Variants in CAPN13 observed in about 807,000 individuals in gnomAD.
CAPN13 encodes calpain-13.
A neutral mutation model predicts 98.4 loss-of-function variants in CAPN13; 90 were observed. That is an observed-to-expected ratio of 0.92 (90% CI 0.77 to 1.09). The LOEUF (loss-of-function observed/expected upper bound fraction) is 1.09, where lower values mean the gene tolerates loss of function less well. Ranked by LOEUF, CAPN13 falls within the 50% of genes least tolerant of loss-of-function variation. The pLI is 0.00. For missense variants in CAPN13, 887 were observed against 841.3 expected (o/e 1.05, Z -0.67); for synonymous variants, 330 against 305.5 (o/e 1.08, Z -0.84).
intron 4 of CAPN13, among the ~76,000 whole-genome samples, chr2:30,771,794 A>AT (rs1673426528): frequency 6.6e-6 from 1 of 152,256 alleles, no homozygotes. Flanking sequence ...GTTGAACAAG[A>AT]TAACTCTCTG....
chr2:30,735,714 G>A (rs746516952), intron 18 of CAPN13, among the ~76,000 whole-genome samples: 3 of 152,170 alleles, frequency 2.0e-5, no homozygotes, highest in Non-Finnish European at 4.4e-5. Flanking sequence ...TAGCCACACA[G>A]GAACACTTTT....
chr2:30,801,984 G>A (rs960801766), intron 1 of CAPN13, among the ~76,000 whole-genome samples: 2 of 152,140 alleles, frequency 1.3e-5, no homozygotes, highest in African/African-American at 4.8e-5. Flanking sequence ...AAAGACCACC[G>A]CCCCCTGCGC....
At chr2:30,739,175 G>A (rs1671529880) in intron 15 of CAPN13, among the ~76,000 whole-genome samples, 1 of 152,166 alleles carries the variant, frequency 6.6e-6, no homozygotes, top group African/African-American at 2.4e-5. Flanking sequence ...CAATTTCACA[G>A]AGACATGGAG....
intron 1 of CAPN13, among the ~76,000 whole-genome samples, chr2:30,807,015 G>A (rs1424896073): frequency 1.3e-5 from 2 of 152,180 alleles, no homozygotes; most frequent in South Asian, 2.1e-4. Flanking sequence ...ATCAGAAATC[G>A]AAGGTGACAG....
chr2:30,750,959 C>G, intron 11 of CAPN13, 144 bp downstream of exon 11: 2 of 888,600 alleles, frequency 2.3e-6, no homozygotes, highest in Non-Finnish European at 3.4e-6. Flanking sequence ...TAGACTTGGA[C>G]TGCATGAATG....
chr2:30,725,680 C>T (rs1035764744), intron 22 of CAPN13, among the ~76,000 whole-genome samples: 2 of 152,134 alleles, frequency 1.3e-5, no homozygotes, highest in Non-Finnish European at 2.9e-5. Context: ...TTCTCTGGAT[C>T]GAATCCTGGC....
intron 6 of CAPN13, 60 bp downstream of exon 6, chr2:30,764,072 C>A: frequency 1.3e-6 from 2 of 1,490,532 alleles, no homozygotes; most frequent in South Asian, 1.3e-5. Context: ...GGACCCCTGG[C>A]TGAGCATTCC....
intron 8 of CAPN13, among the ~76,000 whole-genome samples, chr2:30,755,868 C>G (rs541596066): frequency 8.2e-6 from 1 of 122,170 alleles, no homozygotes; most frequent in Non-Finnish European, 1.8e-5. Flanking sequence ...GCTATTGATT[C>G]ATGCAAGTTT....
chr2:30,748,239 C>T (rs1672011878), intron 11 of CAPN13, among the ~76,000 whole-genome samples: 1 of 152,208 alleles, frequency 6.6e-6, no homozygotes, highest in African/African-American at 2.4e-5. Context: ...CAGCCTTTCA[C>T]AAATCTCTCC....
chr2:30,777,066 T>C (rs997501485), intron 3 of CAPN13, among the ~76,000 whole-genome samples: 2 of 152,222 alleles, frequency 1.3e-5, no homozygotes, highest in Non-Finnish European at 2.9e-5. Context: ...CTCTGCCCTT[T>C]CACTCCAAGG....
At chr2:30,795,173 T>A (rs1211980524) in intron 1 of CAPN13, among the ~76,000 whole-genome samples, 2 of 152,060 alleles carry the variant, frequency 1.3e-5, no homozygotes, top group Non-Finnish European at 2.9e-5. Flanking sequence ...GTACTTCTCC[T>A]CTCAATGGAC....
intron 12 of CAPN13, chr2:30,743,834 C>A (rs1671780083): frequency 8.3e-6 from 5 of 605,244 alleles, no homozygotes; most frequent in Non-Finnish European, 1.2e-5. Context: ...CTAACAGCAT[C>A]CTGAGTTTCT....
Position 30,751,267 on chromosome 2 carries a change from C to T in CAPN13, c.1088-16G>A. 1 of 1,612,992 alleles carries T rather than the reference C, an allele frequency of 6.2e-7. No individual in the cohort carries two copies. The highest frequency in any genetic ancestry group is 8.5e-7 in the Non-Finnish European group (1 of 1,179,194). On this transcript the variant is annotated splice_polypyrimidine_tract_variant and intron_variant, in intron 10 of 22. Transcript: ENST00000295055. Reference sequence around the variant, plus strand: ...CGAGGTCCTCCTGCATCAGAAAGAGCTGTTACTAGAGCTCAGCTCCACTCC... The same window carrying T: ...CGAGGTCCTCCTGCATCAGAAAGAGTTGTTACTAGAGCTCAGCTCCACTCC...
chr2:30,760,975 G>A (rs753145272), intron 7 of CAPN13, among the ~76,000 whole-genome samples: 5 of 152,306 alleles, frequency 3.3e-5, no homozygotes, highest in South Asian at 2.1e-4. Flanking sequence ...GAATTATCCC[G>A]AATGCCAGTT....
At chr2:30,776,086 C>G in intron 3 of CAPN13, 41 bp from the exon 4 acceptor site, 7 of 1,313,040 alleles carry the variant, frequency 5.3e-6, no homozygotes, top group Non-Finnish European at 7.6e-6. Flanking sequence ...ATTGGACACA[C>G]TTGGAAACCC....
At chr2:30,763,231 C>A in intron 6 of CAPN13, 75 bp from the exon 7 acceptor site, 1 of 1,352,522 alleles carries the variant, frequency 7.4e-7, no homozygotes, top group Non-Finnish European at 1.0e-6. Context: ...ACAGTCCAAA[C>A]AGCCACTGAG....
chr2:30,757,210 C>T (rs1033129178), intron 8 of CAPN13, among the ~76,000 whole-genome samples: 2 of 152,246 alleles, frequency 1.3e-5, no homozygotes, highest in African/African-American at 2.4e-5. Context: ...TGGAGGAATG[C>T]GACCAGGCTG....
chr2:30,784,760 G>A (rs754028785), intron 2 of CAPN13, among the ~76,000 whole-genome samples: 6 of 152,138 alleles, frequency 3.9e-5, no homozygotes, highest in African/African-American at 7.2e-5. Context: ...ATGACTTTGG[G>A]CAGAGGTCCC....
intron 7 of CAPN13, among the ~76,000 whole-genome samples, chr2:30,760,405 A>G (rs1280696791): frequency 6.6e-6 from 1 of 152,206 alleles, no homozygotes. Context: ...AGCCACCGTC[A>G]GTGCCTCACA....
Sources: gnomAD v4.1 joint callset for allele counts (sites outside exome capture counted in the v4.1 genomes callset) on GRCh38, gnomAD v4.1.1 for gene constraint, MANE v1.5 for transcripts, NCBI Gene and HGNC (gene_info 2026-07-23, HGNC 2026-07-21) for gene names.